Variants in KDM4C observed in about 807,000 individuals in gnomAD.
KDM4C encodes lysine demethylase 4C.
In KDM4C, 81 loss-of-function variants were observed where a neutral mutation model predicts 129.3. The ratio of observed to expected loss-of-function variants is 0.63; its 90% CI spans 0.52 to 0.75. The LOEUF (loss-of-function observed/expected upper bound fraction) is 0.75. KDM4C is among the 30% of genes least tolerant of loss of function. The pLI is 0.00. For missense variants in KDM4C, 1,457 were observed against 1,304.0 expected (o/e 1.12, Z -1.81); for synonymous variants, 573 against 456.1 (o/e 1.26, Z -3.26).
rs148321210 is a variant in KDM4C, at chr9:7,140,708, C to A, written c.2781+12472C>A. On this transcript the variant is annotated intron_variant, in intron 19 of 21. Coordinates refer to ENST00000381309, the MANE Select transcript of KDM4C (RefSeq NM_015061.6). ...ACAGTGAGCACCTACTACATGCCAC[C>A]CATCATGCTGGGTTCTGGGAAAATG... 3.0e-3 allele frequency among the ~76,000 whole-genome samples: 463 copies of A among 152,244 alleles called. 3 individuals are homozygous for A. The highest frequency in any genetic ancestry group is 0.011 in the African/African-American group (446 of 41,536).
At chr9:6,750,057 G>A (rs1818019072) in intron 1 of KDM4C, among the ~76,000 whole-genome samples, 1 of 150,748 alleles carries the variant, frequency 6.6e-6, no homozygotes. Context: ...TGTGGTGTAG[G>A]CCAAGAAGAA....
chr9:7,076,792 A>T (rs1833972916), intron 17 of KDM4C: 31 of 1,055,542 alleles, frequency 2.9e-5, no homozygotes, highest in Non-Finnish European at 3.4e-5. Flanking sequence ...TCCCTTTGTG[A>T]TTTAGTCCAA....
intron 1 of KDM4C, among the ~76,000 whole-genome samples, chr9:6,769,352 T>G (rs779307560): frequency 2.0e-5 from 3 of 152,148 alleles, no homozygotes; most frequent in Non-Finnish European, 4.4e-5. Flanking sequence ...TTTTCTTCTC[T>G]TCTCTTTTCT....
At chr9:7,047,596 T>C (rs1002145632) in intron 16 of KDM4C, among the ~76,000 whole-genome samples, 4 of 151,948 alleles carry the variant, frequency 2.6e-5, no homozygotes, top group Non-Finnish European at 5.9e-5. Context: ...AATAGAGACA[T>C]GTCAAAATAA....
rs199664855 is a variant in KDM4C, at chr9:6,975,570, T to TA, written c.922-5355_922-5354insA. On this transcript the variant is annotated intron_variant, in intron 8 of 21. Coordinates refer to ENST00000381309, the MANE Select transcript of KDM4C (RefSeq NM_015061.6). ...GCGCCTGTCTCTGTTTCTTCATATA[T>TA]TTTTTTAAGGTTATTTAACAAACAT... Among the ~76,000 whole-genome samples, 1,233 of 152,244 alleles carry TA rather than the reference T, an allele frequency of 8.1e-3. 11 individuals are homozygous for TA. The highest frequency in any genetic ancestry group is 0.029 in the African/African-American group (1,185 of 41,526).
intron 17 of KDM4C, among the ~76,000 whole-genome samples, chr9:7,068,657 C>G (rs1458499668): frequency 8.8e-6 from 1 of 114,120 alleles, no homozygotes; most frequent in Non-Finnish European, 1.9e-5. Context: ...TTTCTTCTGT[C>G]TATTTCATAC....
At chr9:6,817,209 T>TC (rs1564081451) in intron 4 of KDM4C, among the ~76,000 whole-genome samples, 2 of 24,430 alleles carry the variant, frequency 8.2e-5, no homozygotes, top group African/African-American at 1.4e-4. Flanking sequence ...CCCCCCCCAC[T>TC]TTTTTTTTTT....
At chr9:7,094,168 A>G (rs1836137090) in intron 17 of KDM4C, among the ~76,000 whole-genome samples, 1 of 152,168 alleles carries the variant, frequency 6.6e-6, no homozygotes. Context: ...AATATTGACC[A>G]TTTACTTGTC....
intron 8 of KDM4C, chr9:6,925,029 A>T (rs1368114016): frequency 2.0e-6 from 2 of 985,250 alleles, no homozygotes; most frequent in African/African-American, 3.5e-5. Flanking sequence ...AAGTTCTGAA[A>T]TGAACCAGGT....
Position 7,046,987 on chromosome 9 carries a change from G to C in KDM4C, c.2315+70G>C, listed in dbSNP as rs564856521. ...TCCATTCTAGAACCTTTGGATGACA[G>C]TTCGCTTTACCTCTCATTGTACACG... is the stretch of plus-strand genomic sequence containing the variant. On this transcript the variant is annotated intron_variant, in intron 16 of 21. Coordinates refer to ENST00000381309, the MANE Select transcript of KDM4C (RefSeq NM_015061.6). 2.2e-5 allele frequency: 25 copies of C among 1,121,146 alleles called. No homozygotes were observed. In the East Asian group the frequency reaches 5.5e-4, roughly 25 times the overall value. 69.4% of individuals were successfully genotyped at this position (1,121,146 alleles called of 1,614,324 possible).
At chr9:6,957,763 C>T (rs1476103926) in intron 8 of KDM4C, among the ~76,000 whole-genome samples, 2 of 152,176 alleles carry the variant, frequency 1.3e-5, no homozygotes, top group Admixed American at 6.5e-5. Flanking sequence ...ATGGCATGCA[C>T]TCAGCTCCAG....
chr9:7,022,566 G>A (rs191538869), intron 15 of KDM4C, among the ~76,000 whole-genome samples: 41 of 150,558 alleles, frequency 2.7e-4, no homozygotes, highest in Non-Finnish European at 4.0e-4. Flanking sequence ...GTTTTTTCAA[G>A]TACAAGATTA....
At chr9:6,772,627 C>T (rs1254027903) in intron 1 of KDM4C, among the ~76,000 whole-genome samples, 2 of 151,734 alleles carry the variant, frequency 1.3e-5, no homozygotes, top group Non-Finnish European at 2.9e-5. Flanking sequence ...TCCCAAAGTG[C>T]TGGGATTACA....
At position 6,993,701 on chromosome 9, in the gene KDM4C, C is replaced by A. The variant is rs556167506; in HGVS notation, c.1786+3177C>A. 1.2e-4 allele frequency among the ~76,000 whole-genome samples: 19 copies of A among 152,290 alleles called. No homozygotes were observed. The East Asian group carries it at 3.3e-3, about 26-fold the overall frequency. ...CAATGCTCTGTCTCTGGCCATGGAACGTACTAGATGTGATGAACCCACTGA... is the reference window on the plus strand; with the variant it reads ...CAATGCTCTGTCTCTGGCCATGGAAAGTACTAGATGTGATGAACCCACTGA... On this transcript the variant is annotated intron_variant, in intron 12 of 21. Coordinates refer to ENST00000381309, the MANE Select transcript of KDM4C (RefSeq NM_015061.6).
intron 19 of KDM4C, among the ~76,000 whole-genome samples, chr9:7,130,461 A>C (rs1840497640): frequency 6.6e-6 from 1 of 152,230 alleles, no homozygotes; most frequent in Non-Finnish European, 1.5e-5. Context: ...GAACCAGAAC[A>C]AATATGATTT....
chr9:6,805,157 C>A (rs771699742), intron 2 of KDM4C, among the ~76,000 whole-genome samples: 7 of 152,174 alleles, frequency 4.6e-5, no homozygotes, highest in Non-Finnish European at 7.3e-5. Flanking sequence ...CCTCGGCCTC[C>A]CAAAGTGCTG....
chr9:7,074,340 A>G (rs1416207735), intron 17 of KDM4C, among the ~76,000 whole-genome samples: 5 of 151,986 alleles, frequency 3.3e-5, no homozygotes, highest in Non-Finnish European at 7.4e-5. Context: ...ATTTTTTTGT[A>G]TATTTTAGTA....
At chr9:6,943,313 A>G (rs896778803) in intron 8 of KDM4C, among the ~76,000 whole-genome samples, 5 of 152,108 alleles carry the variant, frequency 3.3e-5, no homozygotes, top group African/African-American at 9.7e-5. Context: ...TAGTTAATTT[A>G]TTTTCTGTAA....
rs546781630 is a variant in KDM4C at position 6,893,875 on chromosome 9, G to A, written c.921+643G>A. On this transcript the variant is annotated intron_variant, in intron 8 of 21. Coordinates refer to ENST00000381309, the MANE Select transcript of KDM4C (RefSeq NM_015061.6). The stretch of plus-strand genomic sequence containing the variant: ...TAAATTTAATTACTTTCCCCCTGTG[G>A]TGTTAAATAGAAGACATCTTCAAAG... 3.2e-3 allele frequency among the ~76,000 whole-genome samples: 480 copies of A among 152,268 alleles called. 4 individuals carry two copies. Among genetic ancestry groups the A allele is most frequent in the Middle Eastern group, 0.01 (3 of 294 alleles).
Sources: allele counts gnomAD v4.1 joint callset (sites outside exome capture counted in the v4.1 genomes callset), GRCh38; gene constraint gnomAD v4.1.1; transcripts MANE v1.5; gene names NCBI Gene and HGNC (gene_info 2026-07-23, HGNC 2026-07-21).